The following ROBO2 variants were observed in gnomAD, a reference collection of about 807,000 sequenced individuals.
The protein encoded by ROBO2 is roundabout guidance receptor 2, also known as roundabout homolog 2.
A neutral mutation model predicts 160.8 loss-of-function variants in ROBO2; 53 were observed. That is an observed-to-expected ratio of 0.33 (90% CI 0.26 to 0.41). ROBO2 has a LOEUF of 0.41. Ranked by LOEUF, ROBO2 falls within the 10% of genes least tolerant of loss-of-function variation. The probability of loss-of-function intolerance (pLI) is 1.00; values close to 1 mark genes in which losing one functional copy is unlikely to be tolerated. For synonymous variants in ROBO2, 664 were observed against 611.7 expected (o/e 1.09, Z -1.26); for missense variants, 1,577 against 1,722.4 (o/e 0.92, Z 1.49).
chr3:76,226,445 TG>T (rs1216840666), intron 2 of ROBO2, among the ~76,000 whole-genome samples: 2 of 152,154 alleles, frequency 1.3e-5, no homozygotes, highest in Non-Finnish European at 2.9e-5. Context: ...AGGGTTGTTG[TG>T]GTCAGAATTG....
At chr3:76,437,222 G>A (rs2076722039) in intron 2 of ROBO2, among the ~76,000 whole-genome samples, 1 of 152,060 alleles carries the variant, frequency 6.6e-6, no homozygotes, top group Admixed American at 6.6e-5. Flanking sequence ...CTAGAATTTG[G>A]TATTTTAAGG....
chr3:77,493,487 A>T (rs576850160), intron 5 of ROBO2, 105 bp downstream of exon 5: 7 of 1,249,662 alleles, frequency 5.6e-6, no homozygotes, highest in Middle Eastern at 3.7e-4. Context: ...GTCTTGGGGT[A>T]CTTTCACTCA....
chr3:76,956,592 G>T (rs1262480217), intron 2 of ROBO2, among the ~76,000 whole-genome samples: 3 of 150,638 alleles, frequency 2.0e-5, no homozygotes, highest in Non-Finnish European at 4.5e-5. Flanking sequence ...CTAATCTGGT[G>T]CATCAGTGTT....
intron 2 of ROBO2, among the ~76,000 whole-genome samples, chr3:76,832,395 G>A (rs1374005631): frequency 6.6e-6 from 1 of 152,044 alleles, no homozygotes; most frequent in Admixed American, 6.6e-5. Context: ...CTTCGTCTTT[G>A]CCCTCAAGAA....
intron 2 of ROBO2, among the ~76,000 whole-genome samples, chr3:77,131,309 A>G (rs1302724707): frequency 1.3e-5 from 2 of 152,198 alleles, no homozygotes; most frequent in Non-Finnish European, 2.9e-5. Context: ...GGCTATGTAT[A>G]GGCAGGTTCT....
exon 17 of ROBO2, chr3:77,588,752 G>C (rs1200249892): frequency 6.2e-7 from 1 of 1,612,848 alleles, no homozygotes; most frequent in African/African-American, 1.3e-5. Flanking sequence ...TTTCCATAGG[G>C]AGACGCAATG....
intron 2 of ROBO2, among the ~76,000 whole-genome samples, chr3:77,313,310 T>G (rs565953933): frequency 6.6e-6 from 1 of 152,342 alleles, no homozygotes; most frequent in African/African-American, 2.4e-5. Context: ...TAATATGCAG[T>G]AATCATATCA....
At chr3:76,746,725 G>A (rs2093899078) in intron 2 of ROBO2, among the ~76,000 whole-genome samples, 1 of 152,094 alleles carries the variant, frequency 6.6e-6, no homozygotes, top group Non-Finnish European at 1.5e-5. Flanking sequence ...GTGCCACGGT[G>A]GTTTGCTGCA....
chr3:77,111,837 G>C (rs1381099615), intron 2 of ROBO2, among the ~76,000 whole-genome samples: 2 of 152,122 alleles, frequency 1.3e-5, no homozygotes, highest in African/African-American at 4.8e-5. Context: ...TTGATCCTTT[G>C]CTGCTAAAAT....
chr3:77,577,338 C>CA (rs946868791), intron 14 of ROBO2, 152 bp from the exon 16 acceptor site: 19 of 827,340 alleles, frequency 2.3e-5, no homozygotes, highest in African/African-American at 1.7e-4. Context: ...GAACATTTCT[C>CA]AAAAAAACTG....
chr3:75,944,124 G>A (rs1948176275), intron 2 of ROBO2, among the ~76,000 whole-genome samples: 1 of 152,122 alleles, frequency 6.6e-6, no homozygotes, highest in South Asian at 2.1e-4. Context: ...ATGGCAGAAG[G>A]AAAGAGGTTC....
intron 2 of ROBO2, among the ~76,000 whole-genome samples, chr3:76,503,000 A>ATG (rs76969660): frequency 0.04 from 5,769 of 142,948 alleles, 122 homozygotes; most frequent in South Asian, 0.054. Flanking sequence ...ATATATATAT[A>ATG]TGTGTGTGTG....
chr3:76,335,045 G>A (rs1047090453), intron 2 of ROBO2, among the ~76,000 whole-genome samples: 1 of 149,844 alleles, frequency 6.7e-6, no homozygotes, highest in Non-Finnish European at 1.5e-5. Context: ...AATTTTTTTT[G>A]TTTTTGTAGA....
intron 2 of ROBO2, among the ~76,000 whole-genome samples, chr3:77,290,217 G>T (rs1298360821): frequency 3.4e-5 from 5 of 148,194 alleles, no homozygotes; most frequent in African/African-American, 1.3e-4. Context: ...TCTGAGGCTA[G>T]ATCACCCCAG....
rs556328014 is a variant in ROBO2 at position 77,471,888 on chromosome 3, C to T, written c.389-5526C>T. Among the ~76,000 whole-genome samples, 7 of 152,150 alleles carry T rather than the reference C, an allele frequency of 4.6e-5. No individual in the cohort carries two copies. The South Asian group carries it at 6.3e-4, about 14-fold the overall frequency. On this transcript the variant is annotated intron_variant, in intron 2 of 25. Coordinates refer to ENST00000461745, the Ensembl canonical transcript of ROBO2. ...ACAACATTTCCCTGGGCTCTGGGTG[C>T]GGTGTCAACTCTGGTCTTTCCTCCT...
intron 2 of ROBO2, among the ~76,000 whole-genome samples, chr3:76,088,065 C>T (rs978293224): frequency 6.6e-6 from 1 of 151,946 alleles, no homozygotes; most frequent in Non-Finnish European, 1.5e-5. Context: ...CAAAAGAAAG[C>T]AGAGTAGCTA....
At chr3:77,481,106 G>A (rs1436164033) in exon 4 of ROBO2, 4 of 1,611,892 alleles carry the variant, frequency 2.5e-6, no homozygotes, top group African/African-American at 1.3e-5. Flanking sequence ...CAGATCCGTG[G>A]TGGAAAACTG....
At chr3:77,027,550 A>C (rs1219578766) in intron 2 of ROBO2, among the ~76,000 whole-genome samples, 1 of 152,220 alleles carries the variant, frequency 6.6e-6, no homozygotes, top group East Asian at 1.9e-4. Flanking sequence ...GGCAATTGCT[A>C]GGTTGCTTTA....
chr3:77,245,207 G>T (rs948478954), intron 2 of ROBO2, among the ~76,000 whole-genome samples: 1 of 152,034 alleles, frequency 6.6e-6, no homozygotes, highest in Non-Finnish European at 1.5e-5. Flanking sequence ...ACATCATGGG[G>T]GAGAAATCCA....
Sources: gnomAD v4.1 joint callset for allele counts (sites outside exome capture counted in the v4.1 genomes callset) on GRCh38, gnomAD v4.1.1 for gene constraint, MANE v1.5 for transcripts, NCBI Gene and HGNC (gene_info 2026-07-23, HGNC 2026-07-21) for gene names.